Variants in CCAR2 observed in about 807,000 individuals in gnomAD.
The protein encoded by CCAR2 is cell cycle and apoptosis regulator 2, also known as cell cycle and apoptosis regulator protein 2.
CCAR2 carries 21 observed loss-of-function variants against 108.1 expected under a neutral mutation model. The observed-to-expected ratio is 0.19, with a 90% CI of 0.14 to 0.28. The LOEUF is 0.28. Among genes scored for constraint, CCAR2 ranks in the 10% least tolerant of loss-of-function variants. CCAR2 has a pLI of 1.00. For missense variants in CCAR2, 1,126 were observed against 1,177.0 expected, an observed-to-expected ratio of 0.96 and a Z score of 0.63; for synonymous variants, 577 against 472.8, an observed-to-expected ratio of 1.22 and a Z score of -2.86.
In CCAR2 at chr8:22,615,466, C is replaced by G. The variant is rs750195603; in HGVS notation, c.1247C>G (p.Pro416Arg). The change falls in exon 12 of 21, where the codon CCC (proline) becomes CGC (arginine). Residue 416 changes from proline (P) to arginine (R), a missense_variant. Pro to Arg is a moderately radical substitution (Grantham distance 103). Around this residue, in one of 4 missense-constraint regions of CCAR2, gnomAD observed 1,013 missense variants for 993.9 expected, o/e 1.02. Transcript: ENST00000308511. ...AEFQYLQPGP[P>R]RRLQTVVVYL... ...TTTCAGTACCTGCAGCCGGGACCCC[C>G]CCGGCGGCTTCAGACAGTGGTGGTG... 32 of 1,613,838 alleles carry G rather than the reference C, an allele frequency of 2.0e-5. No homozygotes were observed. Among genetic ancestry groups the G allele is most frequent in the Non-Finnish European group, 2.7e-5 (32 of 1,180,018 alleles).
At chr8:22,608,094 C>T (rs1363297600) in intron 7 of CCAR2, 29 bp downstream of exon 7, 21 of 1,463,754 alleles carry the variant, frequency 1.4e-5, no homozygotes, top group Non-Finnish European at 2.0e-5. Context: ...TTTTTTTGGC[C>T]ACTTGTTGAC....
intron 6 of CCAR2, 137 bp from the exon 7 acceptor site, chr8:22,607,832 G>A (rs867919925): frequency 1.4e-5 from 9 of 662,096 alleles, no homozygotes; most frequent in South Asian, 4.0e-5. Flanking sequence ...CACCATGTTC[G>A]CCAGGCTAGT....
At chr8:22,613,230 C>T in intron 8 of CCAR2, 94 bp downstream of exon 8, 4 of 1,286,910 alleles carry the variant, frequency 3.1e-6, no homozygotes, top group South Asian at 4.4e-5. Context: ...CATGTATGTT[C>T]TTACAGCCTT....
rs186590802 is a variant in CCAR2 at position 22,611,082 on chromosome 8, C to T, written c.585-1935C>T. Among the ~76,000 whole-genome samples the T allele has an allele frequency of 4.9e-3, 740 of 151,558 alleles. 9 individuals carry two copies. The highest frequency in any genetic ancestry group is 0.017 in the African/African-American group (704 of 41,400). ...ATTAAAATAATATAAATACGTAGGCCAGGCGCGGTGGCTCATGCCTGTAAT... is the reference window on the plus strand; with the variant it reads ...ATTAAAATAATATAAATACGTAGGCTAGGCGCGGTGGCTCATGCCTGTAAT... On this transcript the variant is annotated intron_variant, in intron 7 of 20. Transcript: ENST00000308511.
Position 22,613,035 on chromosome 8 carries a change from G to A in CCAR2, c.603G>A (p.Lys201=). Residue 201 remains lysine, a synonymous_variant, in exon 8 of 21, where the codon AAG becomes AAA. Coordinates refer to ENST00000308511, the MANE Select transcript of CCAR2 (RefSeq NM_001393997.1). The part of the protein sequence containing the change: ...DQGRSDDYDS[K]KRKQRAGGEP... Reference sequence around the variant, plus strand: ...CCTCTAGTGATGACTATGACTCCAAGAAACGCAAACAGCGGGCTGGTGGAG... The same window carrying A: ...CCTCTAGTGATGACTATGACTCCAAAAAACGCAAACAGCGGGCTGGTGGAG... 6.2e-7 allele frequency: 1 copy of A among 1,613,078 alleles called. No individual in the cohort carries two copies. The highest frequency in any genetic ancestry group is 8.5e-7 in the Non-Finnish European group (1 of 1,179,726).
In CCAR2 at chr8:22,606,587, G is replaced by C; in HGVS notation, c.151-20G>C. The C allele has an allele frequency of 6.2e-7, 1 of 1,601,426 alleles. No homozygotes were observed. Among genetic ancestry groups the C allele is most frequent in the East Asian group, 2.2e-5 (1 of 44,808 alleles). ...CCAGTTTCCTCCCTTTTACTTTTCA[G>C]CTGTCTCCTTCTCTTACAGGGTGGG... On this transcript the variant is annotated intron_variant, in intron 3 of 20. Coordinates refer to ENST00000308511, the MANE Select transcript of CCAR2 (RefSeq NM_001393997.1).
chr8:22,605,708 T>C, intron 1 of CCAR2, 28 bp from the exon 2 acceptor site: 1 of 1,345,292 alleles, frequency 7.4e-7, no homozygotes, highest in Non-Finnish European at 1.1e-6. Flanking sequence ...CCTTATAAGC[T>C]GTTAATTTCT....
In CCAR2 at chr8:22,618,997, A is replaced by G. The variant is rs753940513; in HGVS notation, c.2503A>G (p.Thr835Ala). 3.7e-6 allele frequency: 6 copies of G among 1,613,302 alleles called. No homozygotes were observed. Among genetic ancestry groups the G allele is most frequent in the Non-Finnish European group, 5.1e-6 (6 of 1,179,914 alleles). ...GCTCTACCTAGAGAACAAGATCCAC[A>G]CACTGGAGCTGAAGCTGGGTGAGGG... Reference protein sequence around the residue: ...GRLYLENKIHTLELKLEESHN... With the variant: ...GRLYLENKIHALELKLEESHN... The change falls in exon 19 of 21, where the codon ACA becomes GCA. Residue 835 changes from threonine (T) to alanine (A), a missense_variant. By Grantham distance (58) the Thr-to-Ala change is moderately conservative. Coordinates refer to ENST00000308511, the MANE Select transcript of CCAR2 (RefSeq NM_001393997.1).
intron 7 of CCAR2, among the ~76,000 whole-genome samples, chr8:22,610,389 G>A (rs1051315224): frequency 8.5e-5 from 13 of 152,206 alleles, no homozygotes; most frequent in African/African-American, 2.9e-4. Flanking sequence ...TTAGACAGGT[G>A]TACCCAGCTG....
At chr8:22,612,876 G>A in intron 7 of CCAR2, 141 bp from the exon 8 acceptor site, 1 of 881,406 alleles carries the variant, frequency 1.1e-6, no homozygotes, top group Non-Finnish European at 1.7e-6. Flanking sequence ...ATAACATTCT[G>A]TCATATGGCT....
chr8:22,617,041 G>A (rs1488897578), intron 14 of CCAR2, among the ~76,000 whole-genome samples: 2 of 151,356 alleles, frequency 1.3e-5, no homozygotes, highest in Non-Finnish European at 2.9e-5. Context: ...CTACCACCAT[G>A]CCCAGCTAAT....
Position 22,617,762 on chromosome 8 carries a change from C to G in CCAR2, c.2057C>G (p.Ser686Cys), listed in dbSNP as rs994696998. Residue 686 changes from serine to cysteine, a missense_variant, in exon 16 of 21, where the codon TCT becomes TGT. This residue lies in a region of CCAR2 where 1,013 missense variants were observed against 993.9 expected (regional missense o/e 1.02). Coordinates refer to ENST00000308511, the MANE Select transcript of CCAR2 (RefSeq NM_001393997.1). ...TCAAACCAGTCAGAGATGGAGTTCT[C>G]TTCACTTCAGGACATGGTGAGGCCT... ...VASNQSEMEF[S>C]SLQDMPKELD... 6.2e-7 allele frequency: 1 copy of G among 1,613,836 alleles called. No individual in the cohort carries two copies. Among genetic ancestry groups the G allele is most frequent in the Non-Finnish European group, 8.5e-7 (1 of 1,180,002 alleles).
chr8:22,615,004 G>A lies in CCAR2; in HGVS notation c.1205+3G>A. ...GATTTGAGCGGCTGTACCAAGTGGTGAGTGGGCTTCCTGAGCCTCAGCTGC... is the reference window on the plus strand; with the variant it reads ...GATTTGAGCGGCTGTACCAAGTGGTAAGTGGGCTTCCTGAGCCTCAGCTGC... On this transcript the variant is annotated splice_donor_region_variant and intron_variant, in intron 11 of 20. Coordinates refer to ENST00000308511, the MANE Select transcript of CCAR2 (RefSeq NM_001393997.1). 3 of 1,560,902 alleles carry A rather than the reference G, an allele frequency of 1.9e-6. No homozygotes were observed. The highest frequency in any genetic ancestry group is 2.4e-5 in the East Asian group (1 of 42,338).
chr8:22,609,408 T>A (rs900911467), intron 7 of CCAR2, among the ~76,000 whole-genome samples: 1 of 152,120 alleles, frequency 6.6e-6, no homozygotes, highest in African/African-American at 2.4e-5. Context: ...CACCTCAGCC[T>A]CCCAAAGCGC....
chr8:22,615,393 AAG>A, intron 11 of CCAR2, 30 bp from the exon 12 acceptor site: 2 of 1,599,812 alleles, frequency 1.3e-6, no homozygotes, highest in Non-Finnish European at 1.7e-6. Context: ...GTTGTCACTA[AAG>A]AAGTTAGTAC....
chr8:22,606,186 G>A lies in CCAR2; in HGVS notation c.150+10G>A, dbSNP rs1801071541. ...TGCCAGGCACCTTCAGGTAGGTTCG[G>A]CATCCCTTGTAGTAAGTTTCAGCCC... On this transcript the variant is annotated intron_variant, in intron 3 of 20. Transcript: ENST00000308511. 3 of 1,605,416 alleles carry A rather than the reference G, an allele frequency of 1.9e-6. No individual in the cohort carries two copies. The highest frequency in any genetic ancestry group is 1.7e-5 in the Admixed American group (1 of 59,996).
intron 7 of CCAR2, 43 bp downstream of exon 7, chr8:22,608,108 A>G (rs577360483): frequency 7.1e-7 from 1 of 1,404,486 alleles, no homozygotes; most frequent in South Asian, 1.2e-5. Context: ...TGTTGACACT[A>G]ACATTCTCTT....
At chr8:22,605,929 T>C in intron 2 of CCAR2, 98 bp downstream of exon 2, 1 of 1,363,406 alleles carries the variant, frequency 7.3e-7, no homozygotes, top group Non-Finnish European at 1.0e-6. Context: ...CTGCTGATGT[T>C]CCTCTGGAAA....
At chr8:22,621,188 AAAG>A, downstream of CCAR2, 3 of 548,966 alleles carry the variant, frequency 5.5e-6, no homozygotes, top group Non-Finnish European at 9.6e-6. Context: ...TCCAAATAAA[AAAG>A]CCCCAAGGGT....
Sources: gnomAD v4.1 joint callset for allele counts (sites outside exome capture counted in the v4.1 genomes callset) on GRCh38, gnomAD v4.1.1 for gene constraint, gnomAD v4.1.1 regional missense constraint, MANE v1.5 for transcripts, NCBI Gene and HGNC (gene_info 2026-07-23, HGNC 2026-07-21) for gene names.